The following C12orf56 variants were observed in gnomAD, a reference collection of about 807,000 sequenced individuals.
C12orf56 encodes uncharacterized protein C12orf56.
A neutral mutation model predicts 69.9 loss-of-function variants in C12orf56; 71 were observed. That is an observed-to-expected ratio of 1.02 (90% confidence interval 0.84 to 1.24). The LOEUF is 1.24. C12orf56 is among the 50% of genes most tolerant of loss of function. The pLI, the probability that C12orf56 is intolerant of heterozygous loss-of-function variation, is 0.00. For synonymous variants in C12orf56, 276 were observed against 274.1 expected, an observed-to-expected ratio of 1.01 and a Z score of -0.07; for missense variants, 732 against 738.5, an observed-to-expected ratio of 0.99 and a Z score of 0.10.
At chr12:64,329,103 T>G (rs2038892145) in intron 3 of C12orf56, among the ~76,000 whole-genome samples, 3 of 152,024 alleles carry the variant, frequency 2.0e-5, no homozygotes, top group African/African-American at 7.2e-5. Flanking sequence ...CTTTTTAAAT[T>G]TACCCAGACT....
chr12:64,271,883 CCA>C (rs1164580694), intron 11 of C12orf56, among the ~76,000 whole-genome samples: 1 of 152,114 alleles, frequency 6.6e-6, no homozygotes, highest in Non-Finnish European at 1.5e-5. Context: ...AGCAATGATC[CCA>C]GTTTCTTTGC....
chr12:64,310,300 C>T (rs571904965), intron 5 of C12orf56, among the ~76,000 whole-genome samples: 1 of 152,310 alleles, frequency 6.6e-6, no homozygotes, highest in South Asian at 2.1e-4. Flanking sequence ...AGCCACCATA[C>T]CTGGCCCCAC....
intron 2 of C12orf56, among the ~76,000 whole-genome samples, chr12:64,331,364 G>T (rs2038928762): frequency 6.6e-6 from 1 of 152,112 alleles, no homozygotes; most frequent in Non-Finnish European, 1.5e-5. Flanking sequence ...AGCTGAGTGT[G>T]GTGGTGTGCA....
intron 2 of C12orf56, among the ~76,000 whole-genome samples, chr12:64,331,711 A>G (rs2038932300): frequency 6.6e-6 from 1 of 152,120 alleles, no homozygotes; most frequent in African/African-American, 2.4e-5. Flanking sequence ...TCTCTGAAGC[A>G]GAGGGCAGCC....
chr12:64,382,466 T>C (rs577507124), intron 1 of C12orf56, among the ~76,000 whole-genome samples: 4 of 152,234 alleles, frequency 2.6e-5, no homozygotes, highest in South Asian at 4.1e-4. Flanking sequence ...TAAAGGTTAT[T>C]AATAATAACT....
intron 2 of C12orf56, among the ~76,000 whole-genome samples, chr12:64,347,284 C>A (rs954374396): frequency 4.1e-5 from 5 of 121,800 alleles, no homozygotes; most frequent in African/African-American, 1.5e-4. Context: ...AGCCTAGTAA[C>A]TTTTTTTTTT....
intron 8 of C12orf56, among the ~76,000 whole-genome samples, chr12:64,283,351 AT>A (rs1293203819): frequency 6.6e-6 from 1 of 152,170 alleles, no homozygotes; most frequent in African/African-American, 2.4e-5. Flanking sequence ...TATCAAAAAA[AT>A]AAAATAAAAT....
intron 9 of C12orf56, among the ~76,000 whole-genome samples, chr12:64,276,239 G>A (rs1024603994): frequency 6.6e-6 from 1 of 152,148 alleles, no homozygotes; most frequent in Non-Finnish European, 1.5e-5. Flanking sequence ...ACACAGACAT[G>A]AGACCTGCCC....
chr12:64,387,107 A>AAAAAAAAAAAAAAAAAAT (rs2039804627), intron 1 of C12orf56, among the ~76,000 whole-genome samples: 1 of 133,300 alleles, frequency 7.5e-6, no homozygotes, highest in Admixed American at 8.0e-5. Flanking sequence ...AAAAAAAAAA[A>AAAAAAAAAAAAAAAAAAT]AAAGATGTGT....
Position 64,310,630 on chromosome 12 carries a change from C to T in C12orf56, c.968+2049G>A, listed in dbSNP as rs189251698. Among the ~76,000 whole-genome samples the T allele has an allele frequency of 3.3e-5, 5 of 152,010 alleles. No homozygotes were observed. In the East Asian group the frequency reaches 9.7e-4, roughly 29 times the overall value. On this transcript the variant is annotated intron_variant, in intron 5 of 12. Coordinates refer to ENST00000543942, the MANE Select transcript of C12orf56 (RefSeq NM_001170633.2). ...CTTGCAGGTGGGGAGGGAGGGCCCT[C>T]TCTCTATCATGCATCATTATACACT...
intron 2 of C12orf56, chr12:64,338,093 G>A (rs1346661946): frequency 8.8e-6 from 4 of 456,630 alleles, no homozygotes; most frequent in Admixed American, 2.5e-5. Flanking sequence ...AAGCTACAGA[G>A]ACATTTGTGT....
chr12:64,265,359 G>C lies in C12orf56; in HGVS notation c.*1824C>G, dbSNP rs368024715. On this transcript the variant is annotated 3_prime_UTR_variant, in exon 13 of 13. Transcript: ENST00000543942. ...TTGGACACTTTATGGGGTGATGGCT[G>C]GTGACAGCTGAAAGGGAAACTTTGG... The C allele has an allele frequency of 6.6e-6, 1 of 151,986 alleles. No individual in the cohort carries two copies. Among genetic ancestry groups the C allele is most frequent in the Admixed American group, 6.6e-5 (1 of 15,258 alleles). 9.4% of individuals were successfully genotyped at this position (151,986 alleles called of 1,614,324 possible). A position where few individuals can be genotyped will look rare whatever the true frequency, so the allele number is the denominator to read the frequency against.
At position 64,270,634 on chromosome 12, in the gene C12orf56, T is replaced by A. The variant is rs2037973877; in HGVS notation, c.1665A>T (p.Ala555=). The A allele has an allele frequency of 1.2e-6, 2 of 1,613,772 alleles. No homozygotes were observed. The highest frequency in any genetic ancestry group is 2.2e-5 in the South Asian group (2 of 91,074). ...ASFQLLSPCQ[A]VLLYQQFYIL... ...TGTAAAATTGCTGGTACAACAGAAC[T>A]GCTTGGCAGGGACTTAGCAGCTGAA... Residue 555 remains alanine, a synonymous_variant, in exon 12 of 13, where the codon GCA becomes GCT. Transcript: ENST00000543942.
At chr12:64,355,197 C>T (rs2039294234) in intron 1 of C12orf56, among the ~76,000 whole-genome samples, 1 of 149,168 alleles carries the variant, frequency 6.7e-6, no homozygotes, top group Non-Finnish European at 1.5e-5. Context: ...TTTCATTTTT[C>T]TTTTCACAAA....
At chr12:64,388,536 C>T (rs2039824103) in intron 1 of C12orf56, among the ~76,000 whole-genome samples, 1 of 152,170 alleles carries the variant, frequency 6.6e-6, no homozygotes, top group Admixed American at 6.6e-5. Context: ...AGCCACCTTA[C>T]CCAGTCTAAA....
chr12:64,377,083 T>G (rs1481919032), intron 1 of C12orf56, among the ~76,000 whole-genome samples: 1 of 152,190 alleles, frequency 6.6e-6, no homozygotes, highest in Non-Finnish European at 1.5e-5. Context: ...TATCTCACTT[T>G]CGTTTGGATT....
intron 11 of C12orf56, among the ~76,000 whole-genome samples, chr12:64,273,227 G>A (rs1213277066): frequency 2.0e-5 from 3 of 151,876 alleles, no homozygotes; most frequent in Non-Finnish European, 4.4e-5. Context: ...TCTGGGAGGT[G>A]GAGGTTGCAG....
intron 1 of C12orf56, among the ~76,000 whole-genome samples, chr12:64,370,762 C>T (rs2039559965): frequency 6.6e-6 from 1 of 152,188 alleles, no homozygotes; most frequent in African/African-American, 2.4e-5. Flanking sequence ...GAAGGCATCA[C>T]ATTTCCTGAT....
chr12:64,328,006 A>AT lies in C12orf56; in HGVS notation c.488+2953dup, dbSNP rs890676031. ...TTAGGAAAAATAAACTTCCTAAGCC[A>AT]TTTTTTTTTTGGCAAGAAAGAAAGT... On this transcript the variant is annotated intron_variant, in intron 3 of 12. Coordinates refer to ENST00000543942, the MANE Select transcript of C12orf56 (RefSeq NM_001170633.2). Among the ~76,000 whole-genome samples the AT allele has an allele frequency of 3.6e-3, 529 of 148,836 alleles. 2 individuals carry two copies. Among genetic ancestry groups the AT allele is most frequent in the African/African-American group, 0.01 (424 of 40,764 alleles).
Sources: gnomAD v4.1 joint callset for allele counts (sites outside exome capture counted in the v4.1 genomes callset) on GRCh38, gnomAD v4.1.1 for gene constraint, MANE v1.5 for transcripts, NCBI Gene and HGNC (gene_info 2026-07-23, HGNC 2026-07-21) for gene names.